The following ZNF324B variants were observed in gnomAD, a reference collection of about 807,000 sequenced individuals.
ZNF324B encodes zinc finger protein 324B.
ZNF324B carries 7 observed loss-of-function variants against 10.6 expected under a neutral mutation model. The ratio of observed to expected loss-of-function variants is 0.66; its 90% confidence interval spans 0.38 to 1.24. ZNF324B has a LOEUF of 1.24. Among genes scored for constraint, ZNF324B ranks in the 50% most tolerant of loss-of-function variants. The probability of loss-of-function intolerance (pLI) is 0.02; values close to 1 mark genes in which losing one functional copy is unlikely to be tolerated. For synonymous variants in ZNF324B, 316 were observed against 321.0 expected (o/e 0.98, Z 0.17); for missense variants, 640 against 764.7 (o/e 0.84, Z 1.92).
At chr19:58,434,928 C>A in the ZNF324B span, 1 of 1,613,976 alleles carries the variant, frequency 6.2e-7, no homozygotes, top group Admixed American at 1.7e-5. Flanking sequence ...TGTCCTTGTA[C>A]CATCTAAAGG....
the ZNF324B span, chr19:58,434,623 T>C: frequency 1.2e-6 from 2 of 1,614,192 alleles, no homozygotes; most frequent in Non-Finnish European, 1.7e-6. Context: ...TGATTTCTCC[T>C]CTAAGAAATT....
At chr19:58,433,940 G>A in the ZNF324B span, 1 of 1,614,126 alleles carries the variant, frequency 6.2e-7, no homozygotes, top group Non-Finnish European at 8.5e-7. Flanking sequence ...TGCTGGATGA[G>A]GGTGGAGCTA....
At chr19:58,450,416 G>C (rs1433156672), upstream of ZNF324B, among the ~76,000 whole-genome samples, 1 of 144,676 alleles carries the variant, frequency 6.9e-6, no homozygotes, top group Non-Finnish European at 1.5e-5. Context: ...AGTGACCCGA[G>C]TATGCACCAC....
rs1267538946 is a variant in ZNF324B, at chr19:58,456,297, G to A, written c.1353G>A (p.Arg451=). The change falls in exon 4 of 4, where the codon CGG becomes CGA. Residue 451 remains arginine, a synonymous_variant. Coordinates refer to ENST00000336614, the MANE Select transcript of ZNF324B (RefSeq NM_207395.3). This position sits in a 1 kb window ranked among gnomAD's most constrained non-coding sequence, Gnocchi z 4.7. ...TQHQLLHTGE[R]PFRCVDCGKG... ...ACCAGCTCCTGCACACGGGCGAGCG[G>A]CCCTTCCGCTGCGTGGACTGTGGCA... 6.2e-7 allele frequency: 1 copy of A among 1,612,748 alleles called. No individual in the cohort carries two copies. The highest frequency in any genetic ancestry group is 8.5e-7 in the Non-Finnish European group (1 of 1,179,868).
At chr19:58,453,669 C>T in intron 1 of ZNF324B, 27 bp from the exon 2 acceptor site, 1 of 1,614,092 alleles carries the variant, frequency 6.2e-7, no homozygotes, top group Non-Finnish European at 8.5e-7. Context: ...TTAGACCATG[C>T]CTACCTCCAC....
At chr19:58,436,684 AAAAAAAAAG>A in the ZNF324B span, among the ~76,000 whole-genome samples, 1 of 151,498 alleles carries the variant, frequency 6.6e-6, no homozygotes. Flanking sequence ...AAAAAAAAAA[AAAAAAAAAG>A]GAAAAAAAAA....
the ZNF324B span, chr19:58,444,888 G>A: frequency 6.5e-6 from 1 of 153,694 alleles, no homozygotes; most frequent in African/African-American, 2.4e-5. Context: ...CCTCCAGCCA[G>A]AACTCTACCT....
chr19:58,449,051 C>T (rs918770168), upstream of ZNF324B, among the ~76,000 whole-genome samples: 6 of 152,164 alleles, frequency 3.9e-5, no homozygotes, highest in Admixed American at 1.3e-4. Context: ...AAAATGGTTT[C>T]GTGGGCTCCC....
At position 58,455,444 on chromosome 19, in the gene ZNF324B, G is replaced by A; in HGVS notation, c.500G>A (p.Arg167Lys). 6.2e-7 allele frequency: 1 copy of A among 1,614,154 alleles called. No homozygotes were observed. Among genetic ancestry groups the A allele is most frequent in the Non-Finnish European group, 8.5e-7 (1 of 1,180,002 alleles). Reference protein sequence around the residue: ...SISLRLTSPLRPPKSSRPREK... With the variant: ...SISLRLTSPLKPPKSSRPREK... ...AGCCTGCGACTGACCTCCCCACTCA[G>A]GCCCCCCAAGAGCAGCCGGCCCAGG... The change falls in exon 4 of 4, where the codon AGG (arginine) becomes AAG (lysine). Residue 167 changes from arginine (R) to lysine (K), a missense_variant. Around this residue, in one of 3 missense-constraint regions of ZNF324B, gnomAD observed 345 missense variants for 387.9 expected, o/e 0.89. Transcript: ENST00000336614. The surrounding 1 kb of genome is among the most constrained non-coding windows in gnomAD (Gnocchi z 7.0).
the ZNF324B span, chr19:58,433,537 A>C: frequency 6.2e-7 from 1 of 1,614,162 alleles, no homozygotes; most frequent in Non-Finnish European, 8.5e-7. Context: ...GTTACTGCTA[A>C]AGGCTCTCCC....
chr19:58,450,608 C>T (rs1372541626), upstream of ZNF324B, among the ~76,000 whole-genome samples: 2 of 152,034 alleles, frequency 1.3e-5, no homozygotes, highest in African/African-American at 2.4e-5. Flanking sequence ...CAAAAATTGT[C>T]GAGCTATCTT....
At chr19:58,434,231 A>G in the ZNF324B span, 1 of 1,613,932 alleles carries the variant, frequency 6.2e-7, no homozygotes, top group Non-Finnish European at 8.5e-7. Flanking sequence ...CATTGACTGC[A>G]CTCATAAGGT....
chr19:58,429,243 G>A, the ZNF324B span: 1 of 152,230 alleles, frequency 6.6e-6, no homozygotes, highest in Non-Finnish European at 1.5e-5. Context: ...TCTGATGCAG[G>A]TGGCTAAACA....
At chr19:58,433,522 T>C in the ZNF324B span, 2 of 1,614,020 alleles carry the variant, frequency 1.2e-6, no homozygotes, top group Admixed American at 3.3e-5. Context: ...ACGAACCAGG[T>C]GGGAGTTACT....
chr19:58,438,631 G>A, the ZNF324B span, among the ~76,000 whole-genome samples: 9 of 151,784 alleles, frequency 5.9e-5, no homozygotes, highest in East Asian at 3.9e-4. Context: ...CCACCACCAC[G>A]CCTGACTAAT....
chr19:58,442,927 C>T, the ZNF324B span: 1 of 152,296 alleles, frequency 6.6e-6, no homozygotes, highest in African/African-American at 2.4e-5. Flanking sequence ...CGGGTTGCCG[C>T]TGCTGGCTTG....
At chr19:58,439,649 G>T in the ZNF324B span, 5 of 1,219,698 alleles carry the variant, frequency 4.1e-6, no homozygotes, top group Non-Finnish European at 5.5e-6. Context: ...CACGTGTGAG[G>T]ACAGGACACG....
chr19:58,426,469 G>A, the ZNF324B span, among the ~76,000 whole-genome samples: 26,790 of 152,098 alleles, frequency 0.18, 2,584 homozygotes, highest in Non-Finnish European at 0.21. Context: ...GCTGAAGCTT[G>A]GGAGTCTGTG....
At chr19:58,440,940 G>A in the ZNF324B span, 1 of 152,368 alleles carries the variant, frequency 6.6e-6, no homozygotes, top group Non-Finnish European at 1.5e-5. Context: ...CTAAGTCTCC[G>A]ATTGAGAAGT....
Sources: allele counts gnomAD v4.1 joint callset (sites outside exome capture counted in the v4.1 genomes callset), GRCh38; gene constraint gnomAD v4.1.1; regional missense constraint gnomAD v4.1.1; non-coding constraint Gnocchi (gnomAD v3.1); transcripts MANE v1.5; gene names NCBI Gene and HGNC (gene_info 2026-07-23, HGNC 2026-07-21).